BLNK: variants seen among roughly 807,000 people sequenced by gnomAD.
BLNK encodes B cell linker.
BLNK carries 29 observed loss-of-function variants against 73.5 expected under a neutral mutation model. The ratio of observed to expected loss-of-function variants is 0.39; its 90% CI spans 0.29 to 0.54. The LOEUF (loss-of-function observed/expected upper bound fraction) is 0.54, where lower values mean the gene tolerates loss of function less well. Ranked by LOEUF, BLNK falls within the 20% of genes least tolerant of loss-of-function variation. BLNK has a pLI of 0.61. For synonymous variants in BLNK, 176 were observed against 200.8 expected (o/e 0.88, Z 1.04); for missense variants, 460 against 562.8 (o/e 0.82, Z 1.85).
At chr10:96,222,134 T>C (rs1243979038) in intron 6 of BLNK, among the ~76,000 whole-genome samples, 1 of 152,246 alleles carries the variant, frequency 6.6e-6, no homozygotes, top group Non-Finnish European at 1.5e-5. Flanking sequence ...GTACATATGT[T>C]CTTTTATTAA....
At position 96,191,665 on chromosome 10, in the gene BLNK, C is replaced by T. The variant is rs782398928; in HGVS notation, c.*308G>A. On this transcript the variant is annotated 3_prime_UTR_variant, in exon 17 of 17. Coordinates refer to ENST00000224337, the MANE Select transcript of BLNK (RefSeq NM_013314.4). ...CCAGCCACTTTGTTTTATGCAAGAG[C>T]ATTATTTTCTTATTTTGATAATATA... The T allele has an allele frequency of 4.2e-6, 1 of 235,430 alleles. No homozygotes were observed. The highest frequency in any genetic ancestry group is 8.3e-6 in the Non-Finnish European group (1 of 120,264). The allele number at this position is 235,430 out of a possible 1,614,324, so 14.6% of individuals were successfully genotyped here. A position where few individuals can be genotyped will look rare whatever the true frequency, so the allele number is the denominator to read the frequency against.
intron 1 of BLNK, among the ~76,000 whole-genome samples, chr10:96,271,068 T>C (rs926633256): frequency 6.6e-6 from 1 of 152,228 alleles, no homozygotes; most frequent in Non-Finnish European, 1.5e-5. Flanking sequence ...TCTAAGCCCT[T>C]GGCATTTGTT....
intron 12 of BLNK, 89 bp from the exon 13 acceptor site, chr10:96,204,177 G>T: frequency 7.4e-7 from 1 of 1,349,432 alleles, no homozygotes; most frequent in Non-Finnish European, 1.1e-6. Context: ...CTGTGAACAG[G>T]CACATCACAA....
intron 16 of BLNK, among the ~76,000 whole-genome samples, chr10:96,194,124 A>G (rs1389997700): frequency 6.6e-6 from 1 of 152,210 alleles, no homozygotes; most frequent in Non-Finnish European, 1.5e-5. Context: ...AGAGTTTCCT[A>G]GCAGGACAAC....
intron 3 of BLNK, among the ~76,000 whole-genome samples, chr10:96,237,061 A>G (rs1190270988): frequency 6.6e-6 from 1 of 152,138 alleles, no homozygotes; most frequent in African/African-American, 2.4e-5. Flanking sequence ...CTAAGCTTTA[A>G]AATACCTTTG....
intron 4 of BLNK, among the ~76,000 whole-genome samples, chr10:96,227,979 GAC>G (rs1213612821): frequency 6.6e-6 from 1 of 152,066 alleles, no homozygotes; most frequent in South Asian, 2.1e-4. Context: ...AGGGTGAGGA[GAC>G]ACACAGGGCC....
intron 11 of BLNK, among the ~76,000 whole-genome samples, chr10:96,205,617 A>C (rs892673674): frequency 7.2e-5 from 11 of 152,202 alleles, no homozygotes; most frequent in South Asian, 2.1e-4. Context: ...TGAACACCTT[A>C]GGTCTTGCCA....
At chr10:96,207,770 G>A (rs1554897767) in intron 10 of BLNK, 102 bp downstream of exon 10, 2 of 1,388,840 alleles carry the variant, frequency 1.4e-6, no homozygotes, top group Admixed American at 3.4e-5. Flanking sequence ...TGCTAAGATT[G>A]CTGTGTTCAC....
At chr10:96,245,509 G>A (rs1409597616) in intron 2 of BLNK, among the ~76,000 whole-genome samples, 1 of 152,140 alleles carries the variant, frequency 6.6e-6, no homozygotes, top group Non-Finnish European at 1.5e-5. Context: ...TTATCAAATT[G>A]CTATCCAAAA....
At chr10:96,199,642 C>G (rs901597615) in intron 15 of BLNK, 4 of 404,172 alleles carry the variant, frequency 9.9e-6, no homozygotes, top group African/African-American at 4.1e-5. Context: ...TGTATCTACA[C>G]TTGTTGCAAT....
intron 15 of BLNK, chr10:96,199,836 C>T (rs1314750516): frequency 4.0e-6 from 1 of 247,680 alleles, no homozygotes; most frequent in Non-Finnish European, 7.8e-6. Context: ...GCAGCCTGGC[C>T]AACATGGTAA....
At chr10:96,269,930 A>G (rs907634836) in intron 1 of BLNK, among the ~76,000 whole-genome samples, 1 of 152,112 alleles carries the variant, frequency 6.6e-6, no homozygotes. Context: ...CCAGTATTTT[A>G]TAATTTTACC....
intron 1 of BLNK, among the ~76,000 whole-genome samples, chr10:96,252,245 G>A (rs1403365894): frequency 6.6e-6 from 1 of 152,010 alleles, no homozygotes; most frequent in Non-Finnish European, 1.5e-5. Context: ...TAGAGACAGG[G>A]TTTCATTATG....
chr10:96,191,235 CTTTTT>C lies in BLNK; in HGVS notation c.*733_*737del, dbSNP rs34920263. On this transcript the variant is annotated 3_prime_UTR_variant, in exon 17 of 17. Transcript: ENST00000224337. ...GTGGAACTGTGAGTCCATTAAACCTCTTTTTTTTTTTTTTTTTTTATGTAAATCAC... is the reference window on the plus strand; with the variant it reads ...GTGGAACTGTGAGTCCATTAAACCTCTTTTTTTTTTTTTTATGTAAATCAC... Among the ~76,000 whole-genome samples, 3 of 130,266 alleles carry C rather than the reference CTTTTT, an allele frequency of 2.3e-5. No homozygotes were observed. Among genetic ancestry groups the C allele is most frequent in the Admixed American group, 7.8e-5 (1 of 12,758 alleles). The allele number at this position is 130,266 out of a possible 152,430, so 85.5% of individuals were successfully genotyped here. A position where few individuals can be genotyped will look rare whatever the true frequency, so the allele number is the denominator to read the frequency against.
At chr10:96,242,067 C>G (rs1179589083) in intron 3 of BLNK, among the ~76,000 whole-genome samples, 1 of 152,168 alleles carries the variant, frequency 6.6e-6, no homozygotes, top group Non-Finnish European at 1.5e-5. Flanking sequence ...GTGTACCCCC[C>G]CAAATCTCAT....
intron 1 of BLNK, among the ~76,000 whole-genome samples, chr10:96,257,395 G>A (rs1274657284): frequency 6.6e-6 from 1 of 152,138 alleles, no homozygotes; most frequent in Non-Finnish European, 1.5e-5. Flanking sequence ...CCCAAGCCTC[G>A]AGCTCGTGAC....
At chr10:96,213,779 T>C (rs587648750) in intron 8 of BLNK, among the ~76,000 whole-genome samples, 1 of 152,310 alleles carries the variant, frequency 6.6e-6, no homozygotes, top group South Asian at 2.1e-4. Context: ...ACAGCCCTCA[T>C]CCTGAGTTAT....
intron 8 of BLNK, among the ~76,000 whole-genome samples, chr10:96,211,936 TAGAA>T (rs1554898761): frequency 6.6e-6 from 1 of 152,164 alleles, no homozygotes; most frequent in Non-Finnish European, 1.5e-5. Context: ...AATAAGGAAG[TAGAA>T]AGAAGGTCTA....
chr10:96,212,777 C>T (rs1554898972), intron 8 of BLNK, among the ~76,000 whole-genome samples: 1 of 152,214 alleles, frequency 6.6e-6, no homozygotes, highest in Non-Finnish European at 1.5e-5. Flanking sequence ...TATCTGAAGC[C>T]TTTAAAGGGG....
Sources: gnomAD v4.1 joint callset for allele counts (sites outside exome capture counted in the v4.1 genomes callset) on GRCh38, gnomAD v4.1.1 for gene constraint, MANE v1.5 for transcripts, NCBI Gene and HGNC (gene_info 2026-07-23, HGNC 2026-07-21) for gene names.